The following ITSN1 variants were observed in gnomAD, a reference collection of about 807,000 sequenced individuals.
ITSN1 encodes intersectin-1.
ITSN1 carries 58 observed loss-of-function variants against 239.8 expected under a neutral mutation model. The observed-to-expected ratio is 0.24, with a 90% CI of 0.20 to 0.30. The LOEUF (loss-of-function observed/expected upper bound fraction) is 0.30, where lower values mean the gene tolerates loss of function less well. Ranked by LOEUF, ITSN1 falls within the 10% of genes least tolerant of loss-of-function variation. The pLI is 1.00. For synonymous variants in ITSN1, 780 were observed against 770.8 expected (o/e 1.01, Z -0.20); for missense variants, 1,558 against 2,103.3 (o/e 0.74, Z 5.07).
intron 1 of ITSN1, among the ~76,000 whole-genome samples, chr21:33,698,152 A>G (rs963371699): frequency 6.6e-6 from 1 of 152,226 alleles, no homozygotes; most frequent in Non-Finnish European, 1.5e-5. Flanking sequence ...TGAGGTTAAA[A>G]TCTGCCTATT....
intron 15 of ITSN1, among the ~76,000 whole-genome samples, chr21:33,781,751 G>C (rs893285519): frequency 3.9e-5 from 6 of 151,958 alleles, no homozygotes; most frequent in African/African-American, 1.5e-4. Context: ...GCTAGTTTTT[G>C]TATTTTTAGT....
In ITSN1 at chr21:33,767,746, AAG is replaced by A; in HGVS notation, c.961_962del (p.Ser321LeufsTer17). 1 of 1,612,546 alleles carries A rather than the reference AAG, an allele frequency of 6.2e-7. No individual in the cohort carries two copies. On this transcript the variant is annotated frameshift_variant, in exon 11 of 40. Transcript: ENST00000381318. LOFTEE classifies it high-confidence loss of function. Reference protein sequence around the residue: ...VRSGSGISVISSTSVDQRLPE... With the variant: ...VRSGSGISVIXSTSVDQRLPE... Reference sequence around the variant, plus strand: ...GATCTGGCAGTGGTATATCTGTCATAAGCTCAACATCTGTAGATCAGAGGCTA... The same window carrying A: ...GATCTGGCAGTGGTATATCTGTCATACTCAACATCTGTAGATCAGAGGCTA...
intron 4 of ITSN1, among the ~76,000 whole-genome samples, chr21:33,725,050 G>A (rs2065736277): frequency 1.3e-5 from 2 of 149,200 alleles, no homozygotes; most frequent in Admixed American, 6.7e-5. Context: ...TGGGAGCATC[G>A]CTTGCGCCCA....
At chr21:33,675,596 A>G (rs1168306456) in intron 1 of ITSN1, among the ~76,000 whole-genome samples, 1 of 152,058 alleles carries the variant, frequency 6.6e-6, no homozygotes, top group Non-Finnish European at 1.5e-5. Context: ...ATAAATCTTG[A>G]TATGTATTAC....
chr21:33,858,836 C>A, intron 31 of ITSN1, 44 bp downstream of exon 31: 2 of 1,084,478 alleles, frequency 1.8e-6, no homozygotes, highest in Non-Finnish European at 2.8e-6. Context: ...GCCTCCTCGG[C>A]TCTCATGCAC....
chr21:33,831,419 G>T (rs1204383058), intron 27 of ITSN1, among the ~76,000 whole-genome samples: 1 of 152,230 alleles, frequency 6.6e-6, no homozygotes, highest in Non-Finnish European at 1.5e-5. Flanking sequence ...CCCTTTGGTG[G>T]CTATTAGTGG....
chr21:33,864,199 G>A (rs984167514), intron 31 of ITSN1, among the ~76,000 whole-genome samples: 36 of 152,132 alleles, frequency 2.4e-4, no homozygotes, highest in Admixed American at 1.9e-3. Flanking sequence ...ATTCAATAGG[G>A]ACATCCTCCC....
chr21:33,783,909 G>A (rs1547236), intron 16 of ITSN1, among the ~76,000 whole-genome samples: 1 of 152,100 alleles, frequency 6.6e-6, no homozygotes, highest in African/African-American at 2.4e-5. Flanking sequence ...TAAATGTCTA[G>A]AAGATTAAAT....
chr21:33,783,706 AAT>A (rs1351406637), intron 16 of ITSN1, among the ~76,000 whole-genome samples: 4 of 151,986 alleles, frequency 2.6e-5, no homozygotes, highest in Admixed American at 2.6e-4. Context: ...AAAAAAAAAA[AAT>A]AGCACTGTTG....
In ITSN1 at chr21:33,893,554, C is replaced by T. The variant is rs1159720881; in HGVS notation, c.*5254C>T. ...GCAGTGAGCCGAGATCACGCCACTG[C>T]ACTCCAGCCTGGGTAACAGAGCGAG... On this transcript the variant is annotated 3_prime_UTR_variant, in exon 40 of 40. Transcript: ENST00000381318. The T allele has an allele frequency of 6.6e-6, 1 of 152,406 alleles. No individual in the cohort carries two copies. The highest frequency in any genetic ancestry group is 6.5e-5 in the Admixed American group (1 of 15,288). 9.4% of individuals were successfully genotyped at this position (152,406 alleles called of 1,614,324 possible). A position where few individuals can be genotyped will look rare whatever the true frequency, so the allele number is the denominator to read the frequency against.
intron 4 of ITSN1, among the ~76,000 whole-genome samples, chr21:33,727,329 G>A (rs1391076605): frequency 6.6e-6 from 1 of 152,088 alleles, no homozygotes. Context: ...AAGAGACGGG[G>A]TGAAGAGGCT....
At chr21:33,835,517 A>G (rs180753578) in intron 28 of ITSN1, among the ~76,000 whole-genome samples, 31 of 152,322 alleles carry the variant, frequency 2.0e-4, no homozygotes, top group African/African-American at 6.7e-4. Flanking sequence ...AATGAGAACA[A>G]TTTTACCTCC....
At position 33,865,160 on chromosome 21, in the gene ITSN1, A is replaced by G. The variant is rs779848810; in HGVS notation, c.3900A>G (p.Arg1300=). The G allele has an allele frequency of 6.2e-7, 1 of 1,613,512 alleles. No homozygotes were observed. ...MCNIKLLKAL[R]VRKKMSGEKM... is the part of the protein sequence containing the mutation. ...CCGTGTTTCCGTGCAGAGCGCTGAG[A>G]GTCCGCAAGAAGATGTCCGGGGAGA... Residue 1300 remains arginine, a synonymous_variant, in exon 32 of 40, where the codon AGA becomes AGG. Coordinates refer to ENST00000381318, the MANE Select transcript of ITSN1 (RefSeq NM_003024.3). The surrounding 1 kb of genome is among the most constrained non-coding windows in gnomAD (Gnocchi z 4.4).
At chr21:33,775,683 A>G (rs111957775) in intron 14 of ITSN1, among the ~76,000 whole-genome samples, 151 of 152,330 alleles carry the variant, frequency 9.9e-4, no homozygotes, top group African/African-American at 3.5e-3. Context: ...CAAGGAGACT[A>G]CTGGGTAGAG....
chr21:33,884,423 T>C (rs1297622846), intron 36 of ITSN1, among the ~76,000 whole-genome samples: 1 of 152,166 alleles, frequency 6.6e-6, no homozygotes, highest in Non-Finnish European at 1.5e-5. Context: ...TTTGCTTCAA[T>C]CTGTCTTCAA....
chr21:33,850,682 G>A (rs1397205207), intron 29 of ITSN1, among the ~76,000 whole-genome samples: 1 of 152,192 alleles, frequency 6.6e-6, no homozygotes. Context: ...GAACGCTGGG[G>A]TTTCAGACAT....
At chr21:33,855,517 T>C (rs1252773910) in intron 29 of ITSN1, among the ~76,000 whole-genome samples, 2 of 152,208 alleles carry the variant, frequency 1.3e-5, no homozygotes, top group African/African-American at 4.8e-5. Flanking sequence ...TGTGATTAAA[T>C]AAAGAACCTC....
At chr21:33,744,222 T>G (rs1465041079) in intron 5 of ITSN1, among the ~76,000 whole-genome samples, 4 of 152,218 alleles carry the variant, frequency 2.6e-5, no homozygotes, top group African/African-American at 9.6e-5. Flanking sequence ...ATTGTTATTC[T>G]GAAACTGTTG....
chr21:33,700,951 CTGTGTGTGTGTGTGTGTG>C (rs72389168), intron 1 of ITSN1, among the ~76,000 whole-genome samples: 2 of 141,756 alleles, frequency 1.4e-5, no homozygotes, highest in African/African-American at 5.3e-5. Context: ...TTTCTTTTTT[CTGTGTGTGTGTGTGTGTG>C]TGTGTGTGTG....
Sources: gnomAD v4.1 joint callset for allele counts (sites outside exome capture counted in the v4.1 genomes callset) on GRCh38, gnomAD v4.1.1 for gene constraint, Gnocchi (gnomAD v3.1) non-coding constraint, MANE v1.5 for transcripts, NCBI Gene and HGNC (gene_info 2026-07-23, HGNC 2026-07-21) for gene names.